Variants in RBFOX1 observed in about 807,000 individuals in gnomAD.
RBFOX1 encodes the protein RNA binding protein fox-1 homolog 1.
In RBFOX1, 8 loss-of-function variants were observed where a neutral mutation model predicts 57.7. The ratio of observed to expected loss-of-function variants is 0.14; its 90% CI spans 0.08 to 0.25. RBFOX1 has a LOEUF of 0.25. RBFOX1 is among the 10% of genes least tolerant of loss of function. The pLI is 1.00. For synonymous variants in RBFOX1, 326 were observed against 222.4 expected (o/e 1.47, Z -4.15); for missense variants, 611 against 548.5 (o/e 1.11, Z -1.14).
chr16:5,548,169 AAAAAAATATATATAT>A lies in RBFOX1; in HGVS notation c.259-50731_259-50717del, dbSNP rs1342509692. Among the ~76,000 whole-genome samples the A allele has an allele frequency of 3.0e-3, 131 of 43,100 alleles. 6 individuals carry two copies. Among genetic ancestry groups the A allele is most frequent in the Non-Finnish European group, 5.4e-3 (114 of 21,090 alleles). 28.3% of individuals were successfully genotyped at this position (43,100 alleles called of 152,430 possible). ...GAGCAAGACTCTGTTAAAAAAAAAAAAAAAAATATATATATATATATATATATATATATATAGACA... is the reference window on the plus strand; with the variant it reads ...GAGCAAGACTCTGTTAAAAAAAAAAAATATATATATATATATATATAGACA... On this transcript the variant is annotated intron_variant, in intron 2 of 2. Coordinates refer to the RBFOX1 transcript ENST00000585867.
chr16:5,431,620 G>A (rs1030995939), intron 1 of RBFOX1, among the ~76,000 whole-genome samples: 4 of 152,100 alleles, frequency 2.6e-5, no homozygotes, highest in East Asian at 1.9e-4. Flanking sequence ...TGATCCGCCC[G>A]CCTCAGCCTC....
At chr16:6,747,365 C>G (rs1275376240) in intron 3 of RBFOX1, among the ~76,000 whole-genome samples, 1 of 151,916 alleles carries the variant, frequency 6.6e-6, no homozygotes, top group African/African-American at 2.4e-5. Flanking sequence ...CAAGATGGCC[C>G]CATTGCCCTC....
chr16:7,234,106 C>T (rs751412525), intron 4 of RBFOX1, among the ~76,000 whole-genome samples: 2 of 152,120 alleles, frequency 1.3e-5, no homozygotes, highest in East Asian at 1.9e-4. Context: ...ATTTTCATTG[C>T]ATTCAGCTCT....
At chr16:5,336,818 T>C (rs2064907744) in intron 1 of RBFOX1, among the ~76,000 whole-genome samples, 1 of 152,192 alleles carries the variant, frequency 6.6e-6, no homozygotes, top group South Asian at 2.1e-4. Context: ...TCAGGTGGAC[T>C]TTAAATGGTG....
intron 3 of RBFOX1, among the ~76,000 whole-genome samples, chr16:6,939,234 A>T (rs894517964): frequency 1.2e-4 from 19 of 152,198 alleles, no homozygotes; most frequent in Admixed American, 5.9e-4. Flanking sequence ...AAAAACCATA[A>T]AGGTTTCCCC....
At chr16:6,583,249 C>T (rs925999330) in intron 2 of RBFOX1, among the ~76,000 whole-genome samples, 1 of 152,184 alleles carries the variant, frequency 6.6e-6, no homozygotes, top group South Asian at 2.1e-4. Flanking sequence ...GCACATGGCA[C>T]TCATTGGCCA....
chr16:6,326,671 C>A (rs1390716506), intron 2 of RBFOX1, among the ~76,000 whole-genome samples: 7 of 152,158 alleles, frequency 4.6e-5, no homozygotes, highest in Non-Finnish European at 5.9e-5. Context: ...TGCCCATTTA[C>A]AGCTGCTAAT....
At chr16:6,519,055 C>T (rs189004549) in intron 2 of RBFOX1, among the ~76,000 whole-genome samples, 362 of 151,888 alleles carry the variant, frequency 2.4e-3, no homozygotes, top group Non-Finnish European at 3.8e-3. Flanking sequence ...ACTACTTTCT[C>T]CCTTCTCGGT....
At chr16:7,333,574 G>A (rs1205466956) in intron 4 of RBFOX1, among the ~76,000 whole-genome samples, 2 of 152,158 alleles carry the variant, frequency 1.3e-5, no homozygotes, top group Non-Finnish European at 2.9e-5. Flanking sequence ...TTGAGTGGTG[G>A]CACTGAGGCA....
At position 7,371,418 on chromosome 16, in the gene RBFOX1, C is replaced by A. The variant is rs563922146; in HGVS notation, c.28-146729C>A. ...TACTAAAGCTAATCAGTATCAGCGGCCATTAGGAGAAAGAAAAAAGCACCA... is the reference window on the plus strand; with the variant it reads ...TACTAAAGCTAATCAGTATCAGCGGACATTAGGAGAAAGAAAAAAGCACCA... On this transcript the variant is annotated intron_variant, in intron 4 of 15. Transcript: ENST00000550418. Among the ~76,000 whole-genome samples, 30 of 152,266 alleles carry A rather than the reference C, an allele frequency of 2.0e-4. 1 individual carries two copies. In the South Asian group the frequency reaches 6.2e-3, roughly 32 times the overall value.
chr16:6,881,825 C>G (rs2062997588), intron 3 of RBFOX1, among the ~76,000 whole-genome samples: 1 of 151,150 alleles, frequency 6.6e-6, no homozygotes, highest in African/African-American at 2.4e-5. Context: ...TTTATTCTCC[C>G]TATTTTACAG....
chr16:6,790,977 C>T (rs1188272592), intron 3 of RBFOX1, among the ~76,000 whole-genome samples: 1 of 151,898 alleles, frequency 6.6e-6, no homozygotes, highest in African/African-American at 2.4e-5. Flanking sequence ...ATGATCTTGA[C>T]TCACTGCGTC....
chr16:6,195,905 G>A (rs918331122), intron 1 of RBFOX1, among the ~76,000 whole-genome samples: 1 of 152,044 alleles, frequency 6.6e-6, no homozygotes, highest in South Asian at 2.1e-4. Context: ...TCTCCAGAAA[G>A]AGATAAACGG....
chr16:5,588,179 G>C (rs1179849163), intron 2 of RBFOX1, among the ~76,000 whole-genome samples: 1 of 152,138 alleles, frequency 6.6e-6, no homozygotes, highest in African/African-American at 2.4e-5. Context: ...GAAGAAAGTA[G>C]ATCGGTGATT....
At chr16:5,418,737 C>A (rs1027258514) in intron 1 of RBFOX1, among the ~76,000 whole-genome samples, 3 of 152,166 alleles carry the variant, frequency 2.0e-5, no homozygotes, top group Non-Finnish European at 4.4e-5. Flanking sequence ...CCTTTATTTT[C>A]TTCCTTTCAT....
At position 6,827,029 on chromosome 16, in the gene RBFOX1, A is replaced by C. The variant is rs1313840861; in HGVS notation, c.-16+172379A>C. Among the ~76,000 whole-genome samples the C allele has an allele frequency of 2.0e-5, 3 of 152,288 alleles. No homozygotes were observed. The East Asian group carries it at 5.8e-4, about 29-fold the overall frequency. On this transcript the variant is annotated intron_variant, in intron 3 of 15. Coordinates refer to ENST00000550418, the MANE Select transcript of RBFOX1 (RefSeq NM_018723.4). The stretch of plus-strand genomic sequence containing the variant: ...TGTAAACTAACTTTTTAGTCTGGGG[A>C]GAAAGCAGTTTGGGGGCAGGCTTTG...
intron 5 of RBFOX1, among the ~76,000 whole-genome samples, chr16:7,571,094 A>G (rs1222203392): frequency 6.6e-6 from 1 of 152,190 alleles, no homozygotes; most frequent in East Asian, 1.9e-4. Flanking sequence ...AAGGGAGAGC[A>G]TCAGGATAAA....
chr16:6,757,957 A>G (rs1414999957), intron 3 of RBFOX1, among the ~76,000 whole-genome samples: 7 of 152,264 alleles, frequency 4.6e-5, no homozygotes, highest in South Asian at 2.1e-4. Context: ...AACAATTACA[A>G]CAACATCCAG....
At chr16:7,400,674 T>G (rs1436098665) in intron 4 of RBFOX1, among the ~76,000 whole-genome samples, 2 of 152,172 alleles carry the variant, frequency 1.3e-5, no homozygotes, top group African/African-American at 4.8e-5. Context: ...GGTTTTCCAC[T>G]TGGATGATGT....
Sources: gnomAD v4.1 joint callset for allele counts (sites outside exome capture counted in the v4.1 genomes callset) on GRCh38, gnomAD v4.1.1 for gene constraint, MANE v1.5 for transcripts, NCBI Gene and HGNC (gene_info 2026-07-23, HGNC 2026-07-21) for gene names.